SLC44A1: variants seen among roughly 807,000 people sequenced by gnomAD.
SLC44A1 encodes solute carrier family 44 member 1, also known as choline transporter-like protein 1.
Under a neutral mutation model 79.3 loss-of-function variants are expected in SLC44A1, and 26 were observed. The ratio of observed to expected loss-of-function variants is 0.33; its 90% CI spans 0.24 to 0.46. The LOEUF is 0.46. SLC44A1 is among the 20% of genes least tolerant of loss of function. The pLI is 1.00. For synonymous variants in SLC44A1, 263 were observed against 286.2 expected, an observed-to-expected ratio of 0.92 and a Z score of 0.82; for missense variants, 688 against 798.1, an observed-to-expected ratio of 0.86 and a Z score of 1.66.
At position 105,348,408 on chromosome 9, in the gene SLC44A1, C is replaced by G; in HGVS notation, c.457C>G (p.Pro153Ala). ...NLKPSEYTTS[P>A]KSSVLCPKLP... ...AAAGCCTTCTGAATACACTACATCT[C>G]CAAAATCTTCTGTTCTCTGCCCCAA... The change falls in exon 5 of 16, where the codon CCA becomes GCA. Residue 153 changes from proline to alanine, a missense_variant. Physicochemically the swap from Pro to Ala is conservative, Grantham distance 27. Coordinates refer to ENST00000374720, the MANE Select transcript of SLC44A1 (RefSeq NM_080546.5). 6.2e-7 allele frequency: 1 copy of G among 1,612,260 alleles called. No individual in the cohort carries two copies. The highest frequency in any genetic ancestry group is 8.5e-7 in the Non-Finnish European group (1 of 1,178,566).
chr9:105,275,884 A>C (rs1830188573), intron 1 of SLC44A1, among the ~76,000 whole-genome samples: 1 of 151,034 alleles, frequency 6.6e-6, no homozygotes, highest in East Asian at 1.9e-4. Flanking sequence ...AGCTCACTGC[A>C]ATCTCCGCCT....
intron 12 of SLC44A1, among the ~76,000 whole-genome samples, chr9:105,373,513 G>A (rs1344131343): frequency 6.6e-6 from 1 of 152,202 alleles, no homozygotes; most frequent in African/African-American, 2.4e-5. Context: ...CTAGAACTCA[G>A]TATTTTAAGG....
intron 3 of SLC44A1, among the ~76,000 whole-genome samples, chr9:105,331,924 C>T (rs1826761960): frequency 6.6e-6 from 1 of 152,136 alleles, no homozygotes; most frequent in African/African-American, 2.4e-5. Context: ...GCCCCTACCT[C>T]ACAGAGTTGT....
At chr9:105,400,195 C>G, downstream of SLC44A1, among the ~76,000 whole-genome samples, 1 of 145,092 alleles carries the variant, frequency 6.9e-6, no homozygotes, top group East Asian at 2.1e-4. Flanking sequence ...AACTCCGTCT[C>G]AAAAGAAAAA....
intron 12 of SLC44A1, among the ~76,000 whole-genome samples, chr9:105,371,500 GCCTT>G (rs71766553): frequency 0.13 from 19,156 of 151,892 alleles, 2,338 homozygotes; most frequent in African/African-American, 0.32. Context: ...GGCCAAGGAG[GCCTT>G]GTGGATCACA....
At chr9:105,301,953 A>G (rs756719635) in intron 2 of SLC44A1, among the ~76,000 whole-genome samples, 2 of 152,096 alleles carry the variant, frequency 1.3e-5, no homozygotes, top group Non-Finnish European at 2.9e-5. Context: ...TGATTTTTTG[A>G]TACCTATGGT....
chr9:105,417,254 T>C (rs1365141671), intron 15 of SLC44A1, among the ~76,000 whole-genome samples: 14 of 152,354 alleles, frequency 9.2e-5, no homozygotes, highest in South Asian at 6.2e-4. Context: ...TTCTGCATAA[T>C]TTCACATGCT....
chr9:105,436,291 C>T (rs1334782111), intron 15 of SLC44A1, among the ~76,000 whole-genome samples: 1 of 152,200 alleles, frequency 6.6e-6, no homozygotes, highest in Non-Finnish European at 1.5e-5. Flanking sequence ...TTGGCATAAG[C>T]CTAGTGACTA....
intron 13 of SLC44A1, 27 bp from the exon 14 acceptor site, chr9:105,383,096 A>G (rs1323922673): frequency 1.3e-6 from 2 of 1,512,518 alleles, no homozygotes; most frequent in Non-Finnish European, 1.8e-6. Flanking sequence ...AGGATATTAA[A>G]TATGATCTTT....
chr9:105,304,446 A>T (rs961877410), intron 2 of SLC44A1, among the ~76,000 whole-genome samples: 8 of 152,208 alleles, frequency 5.3e-5, no homozygotes, highest in African/African-American at 1.9e-4. Context: ...TACCTAACAT[A>T]GTATTTACCA....
intron 3 of SLC44A1, among the ~76,000 whole-genome samples, chr9:105,314,462 TC>T (rs1458579181): frequency 2.7e-4 from 41 of 152,246 alleles, no homozygotes; most frequent in Non-Finnish European, 1.2e-4. Flanking sequence ...GAGCTTAGTG[TC>T]TACTTTCTTT....
intron 15 of SLC44A1, among the ~76,000 whole-genome samples, chr9:105,412,208 C>T (rs987050632): frequency 1.1e-4 from 16 of 152,150 alleles, no homozygotes; most frequent in African/African-American, 3.4e-4. Flanking sequence ...TCATCAAATA[C>T]ATATTTATTT....
chr9:105,272,290 C>T (rs1358065020), intron 1 of SLC44A1, among the ~76,000 whole-genome samples: 1 of 152,096 alleles, frequency 6.6e-6, no homozygotes, highest in Non-Finnish European at 1.5e-5. Context: ...CCTCACTTTT[C>T]CTTTTTGTAA....
intron 12 of SLC44A1, among the ~76,000 whole-genome samples, chr9:105,367,543 G>A (rs139532005): frequency 0.012 from 1,799 of 152,186 alleles, 34 homozygotes; most frequent in African/African-American, 0.041. Flanking sequence ...GAAAGGTAAT[G>A]GATACACTAA....
chr9:105,306,669 A>G (rs1831041244), intron 2 of SLC44A1, among the ~76,000 whole-genome samples: 1 of 150,978 alleles, frequency 6.6e-6, no homozygotes, highest in South Asian at 2.1e-4. Flanking sequence ...TATATGTAAC[A>G]TTTACAATTT....
chr9:105,355,855 C>A (rs892753742), intron 5 of SLC44A1: 1 of 187,144 alleles, frequency 5.3e-6, no homozygotes, highest in Non-Finnish European at 1.1e-5. Context: ...GCTTTGTCAT[C>A]TGCCCCTTGA....
At position 105,395,824 on chromosome 9, in the gene SLC44A1, C is replaced by T; in HGVS notation, c.*6768C>T. The T allele has an allele frequency of 1.0e-6, 1 of 983,740 alleles. No homozygotes were observed. Among genetic ancestry groups the T allele is most frequent in the South Asian group, 4.7e-5 (1 of 21,216 alleles). The allele number at this position is 983,740 out of a possible 1,614,324, so 60.9% of individuals were successfully genotyped here. A position where few individuals can be genotyped will look rare whatever the true frequency, so the allele number is the denominator to read the frequency against. On this transcript the variant is annotated 3_prime_UTR_variant, in exon 16 of 16. Coordinates refer to ENST00000374720, the MANE Select transcript of SLC44A1 (RefSeq NM_080546.5). Reference sequence around the variant, plus strand: ...AATAATTGGGCAGATAGAATGGGTTCCATGGATCATTCTAGTTGCCACTAG... The same window carrying T: ...AATAATTGGGCAGATAGAATGGGTTTCATGGATCATTCTAGTTGCCACTAG...
chr9:105,404,325 G>T (rs2812314), intron 15 of SLC44A1, among the ~76,000 whole-genome samples: 119,371 of 151,808 alleles, frequency 0.79, 48,348 homozygotes, highest in East Asian at 1. Flanking sequence ...ATGATTGGTT[G>T]GTGTAAGGGG....
chr9:105,396,043 C>T lies in SLC44A1; in HGVS notation c.*6987C>T, dbSNP rs1389682149. 2.0e-6 allele frequency: 2 copies of T among 985,098 alleles called. No individual in the cohort carries two copies. Among genetic ancestry groups the T allele is most frequent in the African/African-American group, 3.5e-5 (2 of 57,156 alleles). The allele number at this position is 985,098 out of a possible 1,614,324, so 61.0% of individuals were successfully genotyped here. ...AGGTTCCTGTAGTCTGTGCTCAGAA[C>T]TTGGTTTTTGGCCCCTATTGTTTTT... On this transcript the variant is annotated 3_prime_UTR_variant, in exon 16 of 16. Transcript: ENST00000374720.
Sources: gnomAD v4.1 joint callset for allele counts (sites outside exome capture counted in the v4.1 genomes callset) on GRCh38, gnomAD v4.1.1 for gene constraint, MANE v1.5 for transcripts, NCBI Gene and HGNC (gene_info 2026-07-23, HGNC 2026-07-21) for gene names.